The following PMS1 variants were observed in gnomAD, a reference collection of about 807,000 sequenced individuals.
PMS1 encodes the protein PMS1 protein homolog 1.
PMS1 carries 79 observed loss-of-function variants against 93.1 expected under a neutral mutation model. The ratio of observed to expected loss-of-function variants is 0.85; its 90% CI spans 0.71 to 1.02. The LOEUF (loss-of-function observed/expected upper bound fraction) is 1.02. Among genes scored for constraint, PMS1 ranks in the 50% least tolerant of loss-of-function variants. The pLI, the probability that PMS1 is intolerant of heterozygous loss-of-function variation, is 0.00. For missense variants in PMS1, 1,064 were observed against 1,085.3 expected (o/e 0.98, Z 0.28); for synonymous variants, 335 against 363.4 (o/e 0.92, Z 0.89).
rs745523368 is a variant in PMS1 at position 189,854,513 on chromosome 2, G to A, written c.1241G>A (p.Gly414Asp). 10 of 1,613,566 alleles carry A rather than the reference G, an allele frequency of 6.2e-6. No individual in the cohort carries two copies. The highest frequency in any genetic ancestry group is 2.2e-5 in the East Asian group (1 of 44,838). ...DDCLNHQISI[G>D]DFGYGHCSSE... ...TGTTTAAATCACCAGATAAGTATTG[G>A]TGACTTTGGTTATGGTCATTGTAGT... The change falls in exon 9 of 13, where the codon GGT (glycine) becomes GAT (aspartate). Residue 414 changes from glycine (G) to aspartate (D), a missense_variant. Transcript: ENST00000441310.
At chr2:189,873,727 C>G in intron 12 of PMS1, 71 bp downstream of exon 12, 2 of 1,103,688 alleles carry the variant, frequency 1.8e-6, no homozygotes, top group Non-Finnish European at 2.7e-6. Context: ...GGTTAGGAAC[C>G]AGGCCACACA....
intron 10 of PMS1, among the ~76,000 whole-genome samples, chr2:189,864,693 T>A (rs1300906561): frequency 0.14 from 1,050 of 7,676 alleles, 57 homozygotes; most frequent in South Asian, 0.19. Flanking sequence ...AAAAAATATA[T>A]ATATATATAT....
chr2:189,875,790 C>T (rs538429948), intron 12 of PMS1, among the ~76,000 whole-genome samples: 4 of 151,218 alleles, frequency 2.6e-5, no homozygotes, highest in African/African-American at 9.7e-5. Context: ...CCGTCTCTAC[C>T]AAAAATACAA....
Position 189,863,733 on chromosome 2 carries a change from C to A in PMS1, c.1857-10C>A, listed in dbSNP as rs770851417. On this transcript the variant is annotated splice_polypyrimidine_tract_variant and intron_variant, in intron 9 of 12. Coordinates refer to ENST00000441310, the MANE Select transcript of PMS1 (RefSeq NM_000534.5). ...TGATCTCATTAGTTCTATTTTATTT[C>A]TATTCTTAGATATGAAGAGAAGGCT... 1 of 1,560,356 alleles carries A rather than the reference C, an allele frequency of 6.4e-7. No homozygotes were observed. The highest frequency in any genetic ancestry group is 8.8e-7 in the Non-Finnish European group (1 of 1,132,234).
intron 9 of PMS1, among the ~76,000 whole-genome samples, chr2:189,863,204 T>TTGTTTGTG (rs1384981345): frequency 1.3e-5 from 2 of 149,932 alleles, no homozygotes; most frequent in Non-Finnish European, 1.5e-5. Context: ...TTTTGTTTGT[T>TTGTTTGTG]TGTTTGTGTG....
intron 6 of PMS1, among the ~76,000 whole-genome samples, chr2:189,844,650 A>AAAAAC (rs2054098907): frequency 6.6e-6 from 1 of 150,876 alleles, no homozygotes; most frequent in African/African-American, 2.4e-5. Context: ...TCTCAAAAAA[A>AAAAAC]AAAAAAAAAA....
Position 189,867,841 on chromosome 2 carries a change from GA to G in PMS1, c.2386del (p.Thr796GlnfsTer25). 1.3e-6 allele frequency: 2 copies of G among 1,576,920 alleles called. No individual in the cohort carries two copies. Among genetic ancestry groups the G allele is most frequent in the Non-Finnish European group, 1.7e-6 (2 of 1,146,252 alleles). On this transcript the variant is annotated frameshift_variant, in exon 11 of 13. Coordinates refer to ENST00000441310, the MANE Select transcript of PMS1 (RefSeq NM_000534.5). LOFTEE classifies it high-confidence loss of function. ...SHYLDVLYKM[T>X]ADDQRYSGST... ...ATTATTTAGACGTTTTATATAAAAT[GA>G]CAGCAGATGACCAAAGATACAGTGG...
intron 1 of PMS1, among the ~76,000 whole-genome samples, chr2:189,786,773 C>T (rs5742949): frequency 0.056 from 8,504 of 152,186 alleles, 413 homozygotes; most frequent in African/African-American, 0.13. Flanking sequence ...GATTAGAGGC[C>T]AGTCGTGGTG....
At chr2:189,863,216 T>G (rs1355278605) in intron 9 of PMS1, among the ~76,000 whole-genome samples, 1 of 151,442 alleles carries the variant, frequency 6.6e-6, no homozygotes, top group African/African-American at 2.4e-5. Context: ...GTTTGTGTGT[T>G]TGTTTGTTGT....
chr2:189,805,437 C>G (rs940409439), intron 3 of PMS1, among the ~76,000 whole-genome samples: 3 of 152,020 alleles, frequency 2.0e-5, no homozygotes, highest in African/African-American at 4.8e-5. Context: ...GTGAAATACT[C>G]AAAACAGTAA....
chr2:189,864,673 A>G (rs2056410961), intron 10 of PMS1, among the ~76,000 whole-genome samples: 1 of 42,632 alleles, frequency 2.3e-5, no homozygotes, highest in Non-Finnish European at 4.3e-5. Context: ...AAAAAAAAAA[A>G]AAAAAAAAAA....
chr2:189,807,050 T>C (rs2050407193), intron 4 of PMS1: 1 of 182,744 alleles, frequency 5.5e-6, no homozygotes, highest in African/African-American at 2.3e-5. Context: ...ATTCTTTTTT[T>C]CAAATGACTT....
chr2:189,786,553 T>C (rs367596102), intron 1 of PMS1, among the ~76,000 whole-genome samples: 9 of 152,314 alleles, frequency 5.9e-5, no homozygotes, highest in African/African-American at 1.7e-4. Flanking sequence ...TTTGAGAGCA[T>C]GGCCTTTGGA....
chr2:189,802,158 T>C (rs956811268), intron 3 of PMS1, among the ~76,000 whole-genome samples: 6 of 152,208 alleles, frequency 3.9e-5, no homozygotes, highest in Non-Finnish European at 5.9e-5. Flanking sequence ...TCTCACCTTA[T>C]CAAGCTCATT....
chr2:189,826,401 A>G (rs1430652656), intron 5 of PMS1, among the ~76,000 whole-genome samples: 1 of 148,360 alleles, frequency 6.7e-6, no homozygotes, highest in Non-Finnish European at 1.5e-5. Context: ...TTTCAGATAT[A>G]TTTTAAGATT....
rs773786180 is a variant in PMS1, at chr2:189,852,695, A to G, written c.740A>G (p.His247Arg). 2.5e-6 allele frequency: 4 copies of G among 1,593,168 alleles called. No individual in the cohort carries two copies. Among genetic ancestry groups the G allele is most frequent in the Non-Finnish European group, 3.4e-6 (4 of 1,161,392 alleles). Residue 247 changes from histidine (H) to arginine (R), a missense_variant, in exon 7 of 13, where the codon CAC becomes CGC. By Grantham distance (29) the His-to-Arg change is conservative. Coordinates refer to ENST00000441310, the MANE Select transcript of PMS1 (RefSeq NM_000534.5). The part of the protein sequence containing the change: ...SGFLPKCDAD[H>R]SFTSLSTPER... Reference sequence around the variant, plus strand: ...TTTCTTCCAAAGTGTGATGCAGACCACTCTTTCACTAGTCTTTCAACACCA... The same window carrying G: ...TTTCTTCCAAAGTGTGATGCAGACCGCTCTTTCACTAGTCTTTCAACACCA...
rs549055535 is a variant in PMS1 at position 189,826,431 on chromosome 2, A to G, written c.582+8251A>G. The stretch of plus-strand genomic sequence containing the variant: ...AAGATTAGCTTGGGGCTGATTATCA[A>G]TATGGTTTGGTTTGGGGTCTTTTTT... On this transcript the variant is annotated intron_variant, in intron 5 of 12. Coordinates refer to ENST00000441310, the MANE Select transcript of PMS1 (RefSeq NM_000534.5). Among the ~76,000 whole-genome samples the G allele has an allele frequency of 4.7e-5, 7 of 149,184 alleles. No individual in the cohort carries two copies. In the East Asian group the frequency reaches 5.8e-4, roughly 12 times the overall value.
intron 6 of PMS1, among the ~76,000 whole-genome samples, chr2:189,848,182 A>G (rs769834267): frequency 3.3e-5 from 5 of 152,208 alleles, no homozygotes; most frequent in African/African-American, 4.8e-5. Context: ...TGTTGCCTAC[A>G]GTGGTAACCC....
chr2:189,857,319 C>A, intron 9 of PMS1: 1 of 206,272 alleles, frequency 4.8e-6, no homozygotes, highest in East Asian at 1.4e-4. Context: ...AATTGTATGT[C>A]ACAGAGTGCT....
Sources: gnomAD v4.1 joint callset for allele counts (sites outside exome capture counted in the v4.1 genomes callset) on GRCh38, gnomAD v4.1.1 for gene constraint, MANE v1.5 for transcripts, NCBI Gene and HGNC (gene_info 2026-07-23, HGNC 2026-07-21) for gene names.